Variants in USP30 observed in about 807,000 individuals in gnomAD.
USP30 encodes ubiquitin carboxyl-terminal hydrolase 30.
A neutral mutation model predicts 68.2 loss-of-function variants in USP30; 41 were observed. That is an observed-to-expected ratio of 0.60 (90% CI 0.47 to 0.78). The LOEUF is 0.78. Among genes scored for constraint, USP30 ranks in the 30% least tolerant of loss-of-function variants. USP30 has a pLI of 0.00. For missense variants in USP30, 522 were observed against 649.4 expected (o/e 0.80, Z 2.13); for synonymous variants, 229 against 253.7 (o/e 0.90, Z 0.93).
intron 1 of USP30, among the ~76,000 whole-genome samples, chr12:109,053,247 G>A (rs1457225540): frequency 2.0e-5 from 3 of 152,060 alleles, no homozygotes; most frequent in Admixed American, 1.3e-4. Flanking sequence ...TGTTAGTACC[G>A]CCCCCTATTC....
chr12:109,046,111 TTTTTTTTTTAGATGGAGTCTCACTCTG>T (rs2040602521), intron 3 of USP30, among the ~76,000 whole-genome samples: 1 of 143,078 alleles, frequency 7.0e-6, no homozygotes, highest in Admixed American at 7.0e-5. Context: ...TTTTTTTTTT[TTTTTTTTTTAGATGGAGTCTCACTCTG>T]TTGCTAGGCT....
At chr12:109,040,225 T>G (rs1236991656) in intron 3 of USP30, among the ~76,000 whole-genome samples, 4 of 152,074 alleles carry the variant, frequency 2.6e-5, no homozygotes, top group African/African-American at 7.2e-5. Context: ...TGGGGAAACT[T>G]TAGAGTTTAA....
chr12:109,072,964 G>A (rs74942489), intron 6 of USP30, among the ~76,000 whole-genome samples: 382 of 152,250 alleles, frequency 2.5e-3, no homozygotes, highest in African/African-American at 8.8e-3. Flanking sequence ...CACAGCCAGA[G>A]CTGATCCCTG....
intron 1 of USP30, among the ~76,000 whole-genome samples, chr12:109,055,015 TAC>T (rs377599084): frequency 2.4e-4 from 37 of 151,250 alleles, no homozygotes; most frequent in Admixed American, 9.9e-4. Context: ...AATAATGTAT[TAC>T]ACACACACAC....
At chr12:109,033,539 C>T (rs1251463968) in intron 3 of USP30, among the ~76,000 whole-genome samples, 1 of 152,134 alleles carries the variant, frequency 6.6e-6, no homozygotes, top group African/African-American at 2.4e-5. Context: ...GCCCTGAGTA[C>T]TTTTTCTCCC....
At chr12:109,085,113 T>G in intron 12 of USP30, 40 bp downstream of exon 12, 1 of 1,395,582 alleles carries the variant, frequency 7.2e-7, no homozygotes, top group Non-Finnish European at 9.4e-7. Flanking sequence ...GAGCTACCAC[T>G]GCTCTTAGCT....
At chr12:109,084,496 G>T (rs2041892075) in intron 11 of USP30, among the ~76,000 whole-genome samples, 1 of 152,132 alleles carries the variant, frequency 6.6e-6, no homozygotes, top group African/African-American at 2.4e-5. Context: ...TATCACTACT[G>T]GGGGAGGGGT....
intron 1 of USP30, chr12:109,053,842 T>C (rs1281176281): frequency 3.4e-6 from 1 of 296,320 alleles, no homozygotes; most frequent in African/African-American, 2.2e-5. Context: ...ACAAGTCCTC[T>C]CTCCCATCCC....
At chr12:109,045,450 G>A (rs2040596417) in intron 3 of USP30, among the ~76,000 whole-genome samples, 1 of 128,996 alleles carries the variant, frequency 7.8e-6, no homozygotes, top group South Asian at 2.6e-4. Flanking sequence ...CAGTGGGGGT[G>A]GGGGGTGATG....
chr12:109,051,439 G>C (rs1002183768), upstream of USP30, among the ~76,000 whole-genome samples: 2 of 148,888 alleles, frequency 1.3e-5, no homozygotes, highest in Non-Finnish European at 3.0e-5. Flanking sequence ...GTATTTTTTA[G>C]TAGAGACGGG....
At chr12:109,052,454 C>T, upstream of USP30, 1 of 407,778 alleles carries the variant, frequency 2.5e-6, no homozygotes. Context: ...GACGCCGGGG[C>T]CTGTTGCTAA....
At chr12:109,077,989 T>C (rs551335086) in intron 7 of USP30, among the ~76,000 whole-genome samples, 10 of 152,238 alleles carry the variant, frequency 6.6e-5, no homozygotes, top group Non-Finnish European at 1.3e-4. Context: ...AACCTCACAA[T>C]ACTGTGTCAT....
At chr12:109,084,885 A>G in intron 11 of USP30, 68 bp from the exon 12 acceptor site, 3 of 1,453,966 alleles carry the variant, frequency 2.1e-6, no homozygotes, top group Non-Finnish European at 2.7e-6. Context: ...TTTCAAGGTA[A>G]TCAAAACCAG....
At chr12:109,056,941 G>A (rs953161407) in intron 2 of USP30, 150 bp downstream of exon 2, 5 of 507,548 alleles carry the variant, frequency 9.9e-6, no homozygotes, top group Non-Finnish European at 1.4e-5. Flanking sequence ...TACTTTTACC[G>A]TTAGTCATTA....
intron 3 of USP30, among the ~76,000 whole-genome samples, chr12:109,028,295 G>A (rs1183486706): frequency 6.6e-6 from 1 of 152,124 alleles, no homozygotes; most frequent in Non-Finnish European, 1.5e-5. Context: ...CTGACACTGG[G>A]TAATTTATAA....
In USP30 at chr12:109,023,541, C is replaced by T. The variant is rs899613195; in HGVS notation, c.-498+374C>T. ...CTGCACTCCAGCCTGGGTGATAGAG[C>T]GAAACTCTGTCTCAATAAATAAATA... On this transcript the variant is annotated intron_variant, in intron 1 of 15. Transcript: ENST00000392784. 4.0e-5 allele frequency among the ~76,000 whole-genome samples: 6 copies of T among 150,706 alleles called. No homozygotes were observed. In the South Asian group the frequency reaches 8.4e-4, roughly 21 times the overall value.
Position 109,032,153 on chromosome 12 carries a change from A to T in USP30, c.-136+4597A>T, listed in dbSNP as rs528057282. On this transcript the variant is annotated intron_variant, in intron 3 of 15. Coordinates refer to the USP30 transcript ENST00000392784. ...TGAAACCCGTCTCTACAAAAAAAAAAATTACCTGGGCATGGTGGCTTGTGT... is the reference window on the plus strand; with the variant it reads ...TGAAACCCGTCTCTACAAAAAAAAATATTACCTGGGCATGGTGGCTTGTGT... Among the ~76,000 whole-genome samples the T allele has an allele frequency of 1.1e-4, 17 of 151,968 alleles. No individual in the cohort carries two copies. The East Asian group carries it at 3.3e-3, about 29-fold the overall frequency.
At chr12:109,047,119 C>A (rs1237898410) in intron 3 of USP30, among the ~76,000 whole-genome samples, 1 of 152,166 alleles carries the variant, frequency 6.6e-6, no homozygotes, top group Admixed American at 6.5e-5. Context: ...CTTAGTAAAA[C>A]CACCTTTTAC....
At chr12:109,046,759 C>T (rs1056209915) in intron 3 of USP30, among the ~76,000 whole-genome samples, 12 of 152,036 alleles carry the variant, frequency 7.9e-5, no homozygotes, top group Non-Finnish European at 1.3e-4. Flanking sequence ...TGCAGTAGTG[C>T]GATCTTGGCT....
Sources: allele counts gnomAD v4.1 joint callset (sites outside exome capture counted in the v4.1 genomes callset), GRCh38; gene constraint gnomAD v4.1.1; transcripts MANE v1.5; gene names NCBI Gene and HGNC (gene_info 2026-07-23, HGNC 2026-07-21).